The following NEUROG3 variants were observed in gnomAD, a reference collection of about 807,000 sequenced individuals.
NEUROG3 encodes the protein neurogenin-3.
For synonymous variants in NEUROG3, 161 were observed against 139.2 expected, an observed-to-expected ratio of 1.16 and a Z score of -1.10; for missense variants, 307 against 297.9, an observed-to-expected ratio of 1.03 and a Z score of -0.22.
chr10:69,572,227 G>T lies in NEUROG3; in HGVS notation c.*172C>A. Reference sequence around the variant, plus strand: ...GGCGCGGCTCGGAGGGCCGGGGAATGAACCCAGCCTGCCGCCCCCGTGGAG... The same window carrying T: ...GGCGCGGCTCGGAGGGCCGGGGAATTAACCCAGCCTGCCGCCCCCGTGGAG... On this transcript the variant is annotated 3_prime_UTR_variant, in exon 2 of 2. Transcript: ENST00000242462. 1.3e-6 allele frequency: 1 copy of T among 745,224 alleles called. No homozygotes were observed. The highest frequency in any genetic ancestry group is 2.1e-6 in the Non-Finnish European group (1 of 467,540). The allele number at this position is 745,224 out of a possible 1,614,324, so 46.2% of individuals were successfully genotyped here. A position where few individuals can be genotyped will look rare whatever the true frequency, so the allele number is the denominator to read the frequency against.
At position 69,572,312 on chromosome 10, in the gene NEUROG3, C is replaced by T; in HGVS notation, c.*87G>A. On this transcript the variant is annotated 3_prime_UTR_variant, in exon 2 of 2. Coordinates refer to ENST00000242462, the MANE Select transcript of NEUROG3 (RefSeq NM_020999.4). Reference sequence around the variant, plus strand: ...AGAAGGAACAAGTGCTTTTGAGGGCCGCCGCCGTCGGCCACCCTCTACGGC... The same window carrying T: ...AGAAGGAACAAGTGCTTTTGAGGGCTGCCGCCGTCGGCCACCCTCTACGGC... 2 of 1,451,538 alleles carry T rather than the reference C, an allele frequency of 1.4e-6. No individual in the cohort carries two copies. Among genetic ancestry groups the T allele is most frequent in the South Asian group, 1.2e-5 (1 of 82,028 alleles). The allele number at this position is 1,451,538 out of a possible 1,614,324, so 89.9% of individuals were successfully genotyped here.
Position 69,571,900 on chromosome 10 carries a change from CCCG to C in NEUROG3, c.*496_*498del. 6.4e-6 allele frequency: 1 copy of C among 155,924 alleles called. No homozygotes were observed. Among genetic ancestry groups the C allele is most frequent in the South Asian group, 2.0e-4 (1 of 4,982 alleles). The allele number at this position is 155,924 out of a possible 1,614,324, so 9.7% of individuals were successfully genotyped here. On this transcript the variant is annotated 3_prime_UTR_variant, in exon 2 of 2. Transcript: ENST00000242462. ...AAGGCAGAGTGAGGCGCCCTGAAAT[CCCG>C]GACCTGATTGGGAGTAGAGCAGATC...
In NEUROG3 at chr10:69,573,262, AGCTCAGCGG is replaced by A. The variant is rs1839243482; in HGVS notation, c.-63_-55del. ...GCGATGAGCAGCGAGGGCCGTGGGG[AGCTCAGCGG>A]GCTTCTGGTCGCCAAGTTCAGCTGA... On this transcript the variant is annotated 5_prime_UTR_variant, in exon 1 of 2. Coordinates refer to ENST00000242462, the MANE Select transcript of NEUROG3 (RefSeq NM_020999.4). 2 of 607,660 alleles carry A rather than the reference AGCTCAGCGG, an allele frequency of 3.3e-6. No homozygotes were observed. Among genetic ancestry groups the A allele is most frequent in the South Asian group, 4.2e-5 (2 of 47,458 alleles). The allele number at this position is 607,660 out of a possible 1,614,324, so 37.6% of individuals were successfully genotyped here. A position where few individuals can be genotyped will look rare whatever the true frequency, so the allele number is the denominator to read the frequency against.
At position 69,572,294 on chromosome 10, in the gene NEUROG3, A is replaced by G; in HGVS notation, c.*105T>C. On this transcript the variant is annotated 3_prime_UTR_variant, in exon 2 of 2. Coordinates refer to ENST00000242462, the MANE Select transcript of NEUROG3 (RefSeq NM_020999.4). ...GGTCAGCCAGGGAGAAGCAGAAGGA[A>G]CAAGTGCTTTTGAGGGCCGCCGCCG... The G allele has an allele frequency of 7.7e-7, 1 of 1,297,040 alleles. No individual in the cohort carries two copies. Among genetic ancestry groups the G allele is most frequent in the Non-Finnish European group, 1.1e-6 (1 of 934,518 alleles). 80.3% of individuals were successfully genotyped at this position (1,297,040 alleles called of 1,614,324 possible).
rs1839234953 is a variant in NEUROG3, at chr10:69,572,870, C to G, written c.174G>C (p.Pro58=). Residue 58 remains proline (P), a synonymous_variant, in exon 2 of 2, where the codon CCG becomes CCC. Transcript: ENST00000242462. ...EAEEGGCRGA[P]RKLRARRGGR... is the part of the protein sequence containing the mutation. ...CCCCGCGCCGTGCCCGGAGCTTCCT[C>G]GGGGCCCCTCGGCAGCCTCCCTCTT... is the stretch of plus-strand genomic sequence containing the variant. 1 of 1,609,336 alleles carries G rather than the reference C, an allele frequency of 6.2e-7. No individual in the cohort carries two copies. Among genetic ancestry groups the G allele is most frequent in the Non-Finnish European group, 8.5e-7 (1 of 1,178,208 alleles).
rs1169226296 is a variant in NEUROG3, at chr10:69,572,909, G to A, written c.135C>T (p.Asn45=). 1.9e-6 allele frequency: 3 copies of A among 1,612,056 alleles called. No individual in the cohort carries two copies. The highest frequency in any genetic ancestry group is 1.1e-5 in the South Asian group (1 of 91,002). ...APPSPTRTRG[N]CAEAEEGGCR... ...AGCCTCCCTCTTCCGCCTCTGCGCA[G>A]TTCCCCCGTGTGCGAGTGGGGCTGG... is the stretch of plus-strand genomic sequence containing the variant. The change falls in exon 2 of 2, where the codon AAC becomes AAT. Residue 45 remains asparagine (N), a synonymous_variant. Coordinates refer to ENST00000242462, the MANE Select transcript of NEUROG3 (RefSeq NM_020999.4).
At chr10:69,573,146 GC>G in intron 1 of NEUROG3, 63 bp downstream of exon 1, 1 of 1,339,224 alleles carries the variant, frequency 7.5e-7, no homozygotes, top group Non-Finnish European at 1.0e-6. Flanking sequence ...CATCCTCCCA[GC>G]CCCCGCTGGG....
chr10:69,572,259 G>A lies in NEUROG3; in HGVS notation c.*140C>T, dbSNP rs2133226285. The A allele has an allele frequency of 4.9e-6, 5 of 1,014,192 alleles. No homozygotes were observed. In the East Asian group the frequency reaches 1.0e-4, roughly 21 times the overall value. 62.8% of individuals were successfully genotyped at this position (1,014,192 alleles called of 1,614,324 possible). On this transcript the variant is annotated 3_prime_UTR_variant, in exon 2 of 2. Coordinates refer to ENST00000242462, the MANE Select transcript of NEUROG3 (RefSeq NM_020999.4). The stretch of plus-strand genomic sequence containing the variant: ...GCCTGCCGCCCCCGTGGAGGCCTGG[G>A]CCGGCCAGGGGTCAGCCAGGGAGAA...
chr10:69,573,116 T>C (rs1839240754), intron 1 of NEUROG3, 72 bp from the exon 2 acceptor site: 1 of 1,563,414 alleles, frequency 6.4e-7, no homozygotes, highest in Non-Finnish European at 8.7e-7. Context: ...CGAGGCTAGG[T>C]GGGAAAAAAC....
In NEUROG3 at chr10:69,572,568, AG is replaced by A. The variant is rs1193459316; in HGVS notation, c.475del (p.Leu159TrpfsTer24). ...CCCGGGGGAACCGCCTGGGCTGCCC[AG>A]CTCCCCGCAGTGCGGCGCCGGCGGC... is the stretch of plus-strand genomic sequence containing the variant. ...LEPPAPHCGE[L>X]GSPGGSPGDW... On this transcript the variant is annotated frameshift_variant, in exon 2 of 2. Coordinates refer to ENST00000242462, the MANE Select transcript of NEUROG3 (RefSeq NM_020999.4). LOFTEE classifies it low-confidence loss of function (END_TRUNC). 1 of 1,612,698 alleles carries A rather than the reference AG, an allele frequency of 6.2e-7. No individual in the cohort carries two copies. Among genetic ancestry groups the A allele is most frequent in the African/African-American group, 1.3e-5 (1 of 74,854 alleles).
In NEUROG3 at chr10:69,573,060, A is replaced by C; in HGVS notation, c.-1-16T>G. On this transcript the variant is annotated splice_polypyrimidine_tract_variant and intron_variant, in intron 1 of 1. Transcript: ENST00000242462. ...AGGCGTCATCCTACGGCGGGGTCAG[A>C]GGGAAGGGTAAGTTTGAGTCCGTCA... 1 of 1,610,860 alleles carries C rather than the reference A, an allele frequency of 6.2e-7. No homozygotes were observed. Among genetic ancestry groups the C allele is most frequent in the Non-Finnish European group, 8.5e-7 (1 of 1,178,978 alleles).
chr10:69,573,231 T>G lies in NEUROG3; in HGVS notation c.-23A>C. On this transcript the variant is annotated 5_prime_UTR_variant, in exon 1 of 2. Transcript: ENST00000242462. Reference sequence around the variant, plus strand: ...TTACCTTTCTACCGGCGCAAAAGAATAGAGAGCGATGAGCAGCGAGGGCCG... The same window carrying G: ...TTACCTTTCTACCGGCGCAAAAGAAGAGAGAGCGATGAGCAGCGAGGGCCG... 1 of 662,882 alleles carries G rather than the reference T, an allele frequency of 1.5e-6. No individual in the cohort carries two copies. Among genetic ancestry groups the G allele is most frequent in the Non-Finnish European group, 2.5e-6 (1 of 394,824 alleles). 41.1% of individuals were successfully genotyped at this position (662,882 alleles called of 1,614,324 possible). A position where few individuals can be genotyped will look rare whatever the true frequency, so the allele number is the denominator to read the frequency against.
Position 69,572,247 on chromosome 10 carries a change from G to A in NEUROG3, c.*152C>T, listed in dbSNP as rs1442497882. ...GGAATGAACCCAGCCTGCCGCCCCC[G>A]TGGAGGCCTGGGCCGGCCAGGGGTC... On this transcript the variant is annotated 3_prime_UTR_variant, in exon 2 of 2. Transcript: ENST00000242462. The A allele has an allele frequency of 3.4e-6, 3 of 876,606 alleles. No homozygotes were observed. Among genetic ancestry groups the A allele is most frequent in the South Asian group, 1.7e-5 (1 of 58,420 alleles). 54.3% of individuals were successfully genotyped at this position (876,606 alleles called of 1,614,324 possible). A position where few individuals can be genotyped will look rare whatever the true frequency, so the allele number is the denominator to read the frequency against.
Position 69,572,222 on chromosome 10 carries a change from G to A in NEUROG3, c.*177C>T. The A allele has an allele frequency of 1.4e-6, 1 of 711,016 alleles. No individual in the cohort carries two copies. The highest frequency in any genetic ancestry group is 2.3e-6 in the Non-Finnish European group (1 of 437,172). 44.0% of individuals were successfully genotyped at this position (711,016 alleles called of 1,614,324 possible). A position where few individuals can be genotyped will look rare whatever the true frequency, so the allele number is the denominator to read the frequency against. On this transcript the variant is annotated 3_prime_UTR_variant, in exon 2 of 2. Coordinates refer to ENST00000242462, the MANE Select transcript of NEUROG3 (RefSeq NM_020999.4). ...GCGTTGGCGCGGCTCGGAGGGCCGGGGAATGAACCCAGCCTGCCGCCCCCG... is the reference window on the plus strand; with the variant it reads ...GCGTTGGCGCGGCTCGGAGGGCCGGAGAATGAACCCAGCCTGCCGCCCCCG...
At chr10:69,573,155 G>C in intron 1 of NEUROG3, 55 bp downstream of exon 1, 1 of 1,236,172 alleles carries the variant, frequency 8.1e-7, no homozygotes, top group Non-Finnish European at 1.1e-6. Flanking sequence ...AGCCCCCGCT[G>C]GGTCAGAGGA....
rs1385353185 is a variant in NEUROG3 at position 69,572,741 on chromosome 10, C to T, written c.303G>A (p.Ser101=). The change falls in exon 2 of 2, where the codon TCG becomes TCA. Residue 101 remains serine, a synonymous_variant. Coordinates refer to ENST00000242462, the MANE Select transcript of NEUROG3 (RefSeq NM_020999.4). ...RERNRMHNLN[S]ALDALRGVLP... is the part of the protein sequence containing the mutation. ...GGACACCGCGCAGGGCGTCCAGTGC[C>T]GAGTTGAGGTTGTGCATTCGATTGC... The T allele has an allele frequency of 1.2e-6, 2 of 1,614,124 alleles. No individual in the cohort carries two copies. Among genetic ancestry groups the T allele is most frequent in the South Asian group, 1.1e-5 (1 of 91,090 alleles).
At position 69,572,978 on chromosome 10, in the gene NEUROG3, G is replaced by C; in HGVS notation, c.66C>G (p.Pro22=). 6.2e-7 allele frequency: 1 copy of C among 1,613,654 alleles called. No individual in the cohort carries two copies. Among genetic ancestry groups the C allele is most frequent in the South Asian group, 1.1e-5 (1 of 91,072 alleles). ...QVTRETERSF[P]RASEDEVTCP... ...AGGTCACTTCGTCTTCCGAGGCTCTGGGGAAGGACCGCTCCGTCTCACGGG... is the reference window on the plus strand; with the variant it reads ...AGGTCACTTCGTCTTCCGAGGCTCTCGGGAAGGACCGCTCCGTCTCACGGG... The change falls in exon 2 of 2, where the codon CCC becomes CCG. Residue 22 remains proline (P), a synonymous_variant. Transcript: ENST00000242462.
At chr10:69,573,114 G>C in intron 1 of NEUROG3, 70 bp from the exon 2 acceptor site, 1 of 1,572,062 alleles carries the variant, frequency 6.4e-7, no homozygotes, top group East Asian at 2.2e-5. Flanking sequence ...TCCGAGGCTA[G>C]GTGGGAAAAA....
Position 69,572,579 on chromosome 10 carries a change from G to C in NEUROG3, c.465C>G (p.His155Gln), listed in dbSNP as rs1381826455. The change falls in exon 2 of 2, where the codon CAC (histidine) becomes CAG (glutamine). Residue 155 changes from histidine to glutamine, a missense_variant. Coordinates refer to ENST00000242462, the MANE Select transcript of NEUROG3 (RefSeq NM_020999.4). ...CGCCTGGGCTGCCCAGCTCCCCGCA[G>C]TGCGGCGCCGGCGGCTCCAGCGCGT... The part of the protein sequence containing the change: ...SLYALEPPAP[H>Q]CGELGSPGGS... The C allele has an allele frequency of 4.3e-6, 7 of 1,613,442 alleles. No homozygotes were observed. The highest frequency in any genetic ancestry group is 2.7e-5 in the African/African-American group (2 of 74,922).
Sources: gnomAD v4.1 joint callset for allele counts on GRCh38, gnomAD v4.1.1 for gene constraint, MANE v1.5 for transcripts, NCBI Gene and HGNC (gene_info 2026-07-23, HGNC 2026-07-21) for gene names.